SV2C: variants seen among roughly 807,000 people sequenced by gnomAD.
SV2C encodes solute carrier family 22 member B3.
A neutral mutation model predicts 79.7 loss-of-function variants in SV2C; 49 were observed. The ratio of observed to expected loss-of-function variants is 0.61; its 90% CI spans 0.49 to 0.78. The LOEUF (loss-of-function observed/expected upper bound fraction) is 0.78, where lower values mean the gene tolerates loss of function less well. Among genes scored for constraint, SV2C ranks in the 30% least tolerant of loss-of-function variants. SV2C has a pLI of 0.00. For missense variants in SV2C, 833 were observed against 912.9 expected (o/e 0.91, Z 1.13); for synonymous variants, 334 against 333.2 (o/e 1.00, Z -0.03).
chr5:76,148,168 G>A (rs1749496083), intron 2 of SV2C, among the ~76,000 whole-genome samples: 1 of 152,132 alleles, frequency 6.6e-6, no homozygotes, highest in Non-Finnish European at 1.5e-5. Flanking sequence ...CTGGAAGAGT[G>A]GGCTAAGGAC....
chr5:76,279,958 C>T (rs1213692835), intron 4 of SV2C, among the ~76,000 whole-genome samples: 1 of 151,980 alleles, frequency 6.6e-6, no homozygotes, highest in Admixed American at 6.6e-5. Flanking sequence ...ATGGACGGCT[C>T]ATCAGTTGTA....
the SV2C span, among the ~76,000 whole-genome samples, chr5:75,971,844 C>A: frequency 2.7e-3 from 418 of 152,068 alleles, 6 homozygotes; most frequent in African/African-American, 7.9e-3. Flanking sequence ...TCATATGGAA[C>A]CAAAAAAGAG....
chr5:76,232,734 A>G (rs1279491712), intron 4 of SV2C, among the ~76,000 whole-genome samples: 1 of 140,892 alleles, frequency 7.1e-6, no homozygotes, highest in Non-Finnish European at 1.5e-5. Flanking sequence ...GGTTTGTCAA[A>G]GATCAGATAG....
At chr5:76,073,542 TATAC>T in the SV2C span, among the ~76,000 whole-genome samples, 115 of 126,330 alleles carry the variant, frequency 9.1e-4, no homozygotes, top group African/African-American at 2.0e-3. Context: ...TATATATATA[TATAC>T]ACCATGGAAT....
chr5:76,314,125 T>C (rs1030821592), intron 12 of SV2C, among the ~76,000 whole-genome samples: 7 of 152,208 alleles, frequency 4.6e-5, no homozygotes, highest in African/African-American at 1.7e-4. Flanking sequence ...GGGCAAGACA[T>C]TGTCTTCCTT....
the SV2C span, among the ~76,000 whole-genome samples, chr5:76,042,737 T>A: frequency 6.6e-6 from 1 of 152,218 alleles, no homozygotes; most frequent in Non-Finnish European, 1.5e-5. Flanking sequence ...TTGGACCTCC[T>A]TTCTCCAATT....
the SV2C span, among the ~76,000 whole-genome samples, chr5:75,972,959 A>G: frequency 6.6e-6 from 1 of 152,154 alleles, no homozygotes; most frequent in Non-Finnish European, 1.5e-5. Flanking sequence ...TGGATTAAGA[A>G]AATATGGCAC....
chr5:76,095,060 T>C (rs1021012855), intron 1 of SV2C, among the ~76,000 whole-genome samples: 12 of 152,058 alleles, frequency 7.9e-5, no homozygotes, highest in African/African-American at 2.7e-4. Flanking sequence ...ATGTTTTTTT[T>C]CTAGAGATTT....
chr5:76,007,047 G>A, the SV2C span, among the ~76,000 whole-genome samples: 1 of 152,080 alleles, frequency 6.6e-6, no homozygotes, highest in South Asian at 2.1e-4. Context: ...TCACACATGA[G>A]AAAATAAAGG....
intron 4 of SV2C, among the ~76,000 whole-genome samples, chr5:76,230,937 C>T (rs1745400120): frequency 1.3e-5 from 2 of 152,234 alleles, no homozygotes; most frequent in African/African-American, 4.8e-5. Flanking sequence ...TCCTGACACA[C>T]ATTAACTAGA....
the SV2C span, among the ~76,000 whole-genome samples, chr5:75,995,362 C>T: frequency 1.4e-3 from 212 of 152,172 alleles, 1 homozygote; most frequent in Middle Eastern, 0.014. Context: ...ACTATGGCTA[C>T]CTTCAACTAA....
At chr5:75,920,998 C>A in the SV2C span, 5 of 705,260 alleles carry the variant, frequency 7.1e-6, no homozygotes, top group Non-Finnish European at 1.3e-5. Flanking sequence ...GCTCCCCGTG[C>A]GAGTCCTCGC....
the SV2C span, among the ~76,000 whole-genome samples, chr5:75,906,033 G>C: frequency 6.6e-6 from 1 of 151,348 alleles, no homozygotes; most frequent in East Asian, 1.9e-4. Flanking sequence ...GTGATGATGA[G>C]AGTGGAGATG....
At chr5:76,324,335 A>T (rs1234355335) in intron 12 of SV2C, among the ~76,000 whole-genome samples, 1 of 152,242 alleles carries the variant, frequency 6.6e-6, no homozygotes, top group African/African-American at 2.4e-5. Flanking sequence ...ATGGGAATTT[A>T]CAAAACAAAA....
chr5:76,348,403 C>A (rs1393375225), intron 12 of SV2C, among the ~76,000 whole-genome samples: 1 of 152,194 alleles, frequency 6.6e-6, no homozygotes, highest in Non-Finnish European at 1.5e-5. Context: ...CTATAAACAT[C>A]CATATGCAAG....
chr5:76,345,953 C>T (rs1414236205), intron 12 of SV2C, among the ~76,000 whole-genome samples: 1 of 152,316 alleles, frequency 6.6e-6, no homozygotes, highest in South Asian at 2.1e-4. Flanking sequence ...TGAAACCACT[C>T]CTCAGAGCTC....
intron 2 of SV2C, chr5:76,173,765 T>C (rs757882754): frequency 6.2e-7 from 1 of 1,610,454 alleles, no homozygotes; most frequent in South Asian, 1.1e-5. Context: ...GAATGCACAG[T>C]TGTTCCATTG....
chr5:76,109,911 C>T (rs952154073), intron 1 of SV2C, among the ~76,000 whole-genome samples: 5 of 152,262 alleles, frequency 3.3e-5, no homozygotes, highest in Admixed American at 2.6e-4. Flanking sequence ...TACTGGGGAA[C>T]TAATACAGTG....
chr5:76,040,423 C>T, the SV2C span, among the ~76,000 whole-genome samples: 5 of 152,116 alleles, frequency 3.3e-5, no homozygotes, highest in African/African-American at 1.2e-4. Flanking sequence ...CAAAGGATAT[C>T]GAATAATGCA....
Sources: allele counts gnomAD v4.1 joint callset (sites outside exome capture counted in the v4.1 genomes callset), GRCh38; gene constraint gnomAD v4.1.1; transcripts MANE v1.5; gene names NCBI Gene and HGNC (gene_info 2026-07-23, HGNC 2026-07-21).